CTNNA3: variants seen among roughly 807,000 people sequenced by gnomAD.
CTNNA3 encodes catenin alpha-3.
CTNNA3 carries 76 observed loss-of-function variants against 95.7 expected under a neutral mutation model. The observed-to-expected ratio is 0.79, with a 90% CI of 0.66 to 0.96. The LOEUF is 0.96. Among genes scored for constraint, CTNNA3 ranks in the 40% least tolerant of loss-of-function variants. The pLI is 0.00. For missense variants in CTNNA3, 1,191 were observed against 1,089.8 expected (o/e 1.09, Z -1.31); for synonymous variants, 431 against 374.4 (o/e 1.15, Z -1.74).
chr10:66,763,534 C>T (rs999607010), intron 9 of CTNNA3, among the ~76,000 whole-genome samples: 4 of 152,024 alleles, frequency 2.6e-5, no homozygotes, highest in Non-Finnish European at 5.9e-5. Context: ...TAGATATTAT[C>T]CTGTCTAACT....
At chr10:66,780,670 A>AAG (rs1840497676) in intron 7 of CTNNA3, among the ~76,000 whole-genome samples, 1 of 152,188 alleles carries the variant, frequency 6.6e-6, no homozygotes. Context: ...TTCTCACTAG[A>AAG]TGGTATGATC....
At chr10:66,436,114 A>G (rs1419334205) in intron 11 of CTNNA3, among the ~76,000 whole-genome samples, 1 of 152,124 alleles carries the variant, frequency 6.6e-6, no homozygotes, top group Admixed American at 6.6e-5. Context: ...CAATTTTAGA[A>G]TAAGTATGAT....
chr10:66,414,240 C>A (rs1173024414), intron 11 of CTNNA3, among the ~76,000 whole-genome samples: 2 of 152,092 alleles, frequency 1.3e-5, no homozygotes, highest in Non-Finnish European at 2.9e-5. Context: ...GACTAGGGAG[C>A]ATTTTGTACT....
At chr10:66,116,930 C>T (rs1257543297) in intron 13 of CTNNA3, among the ~76,000 whole-genome samples, 1 of 152,180 alleles carries the variant, frequency 6.6e-6, no homozygotes, top group Non-Finnish European at 1.5e-5. Flanking sequence ...ACACACGATT[C>T]AATCACCACC....
chr10:67,675,401 G>A (rs769880512), intron 1 of CTNNA3, among the ~76,000 whole-genome samples: 38 of 152,220 alleles, frequency 2.5e-4, no homozygotes, highest in Middle Eastern at 3.4e-3. Context: ...GCTTGCCCCA[G>A]GCTATAGTTT....
chr10:66,340,101 G>A (rs888503033), intron 12 of CTNNA3, among the ~76,000 whole-genome samples: 1 of 151,702 alleles, frequency 6.6e-6, no homozygotes, highest in African/African-American at 2.4e-5. Context: ...TGTGGGTCTT[G>A]GTTGACACTT....
intron 5 of CTNNA3, among the ~76,000 whole-genome samples, chr10:67,417,578 A>G (rs1359569676): frequency 6.6e-6 from 1 of 152,190 alleles, no homozygotes; most frequent in Non-Finnish European, 1.5e-5. Context: ...ATTCAATAAA[A>G]CAAAAGAAAG....
chr10:67,555,516 A>G (rs1589420239), intron 3 of CTNNA3, among the ~76,000 whole-genome samples: 1 of 152,250 alleles, frequency 6.6e-6, no homozygotes, highest in African/African-American at 2.4e-5. Context: ...CTTTGAAGCA[A>G]TTGTGAATGA....
At chr10:67,161,684 A>T (rs1163142920) in intron 7 of CTNNA3, among the ~76,000 whole-genome samples, 3 of 152,084 alleles carry the variant, frequency 2.0e-5, no homozygotes, top group Non-Finnish European at 4.4e-5. Flanking sequence ...AATCCTTACC[A>T]CATCAATAAT....
chr10:65,953,578 C>T (rs1437105774), intron 17 of CTNNA3, among the ~76,000 whole-genome samples: 1 of 151,714 alleles, frequency 6.6e-6, no homozygotes, highest in African/African-American at 2.4e-5. Context: ...ATGTTCCCCA[C>T]CCTGTGTCCA....
chr10:67,101,940 G>T (rs1858371355), intron 7 of CTNNA3, among the ~76,000 whole-genome samples: 1 of 133,234 alleles, frequency 7.5e-6, no homozygotes, highest in African/African-American at 3.1e-5. Flanking sequence ...AGATGTTCTG[G>T]GTATGTCAGA....
intron 7 of CTNNA3, among the ~76,000 whole-genome samples, chr10:66,900,899 T>G (rs933288266): frequency 6.6e-6 from 1 of 152,184 alleles, no homozygotes; most frequent in Non-Finnish European, 1.5e-5. Flanking sequence ...AATCTACATC[T>G]GATTGGTGTA....
At chr10:67,653,464 G>A (rs774670476) in intron 1 of CTNNA3, among the ~76,000 whole-genome samples, 21 of 152,088 alleles carry the variant, frequency 1.4e-4, no homozygotes, top group Admixed American at 3.3e-4. Context: ...GGAGTTTGGG[G>A]TTGTTTATGT....
intron 1 of CTNNA3, among the ~76,000 whole-genome samples, chr10:67,708,187 G>A (rs1841088262): frequency 1.3e-5 from 2 of 152,142 alleles, no homozygotes; most frequent in South Asian, 4.1e-4. Context: ...AAGGCACCAT[G>A]CTTCGGTTTT....
intron 7 of CTNNA3, among the ~76,000 whole-genome samples, chr10:66,950,771 C>CA (rs1848498004): frequency 6.6e-6 from 1 of 151,944 alleles, no homozygotes; most frequent in Non-Finnish European, 1.5e-5. Flanking sequence ...CTTACAAAAA[C>CA]AAAAAAGCAT....
chr10:67,281,162 T>C (rs1387353694), intron 5 of CTNNA3, among the ~76,000 whole-genome samples: 1 of 152,110 alleles, frequency 6.6e-6, no homozygotes, highest in African/African-American at 2.4e-5. Context: ...GACAGTCAAA[T>C]ATTTTTCACC....
intron 3 of CTNNA3, among the ~76,000 whole-genome samples, chr10:67,547,652 C>T (rs572982960): frequency 1.3e-5 from 2 of 152,292 alleles, no homozygotes; most frequent in African/African-American, 2.4e-5. Flanking sequence ...TCACACAAAA[C>T]TTGCAAGGAA....
intron 13 of CTNNA3, among the ~76,000 whole-genome samples, chr10:66,119,313 A>T (rs1386121837): frequency 6.6e-6 from 1 of 152,172 alleles, no homozygotes; most frequent in Non-Finnish European, 1.5e-5. Context: ...TTCTATCAAC[A>T]TACAGTATTA....
At chr10:65,944,667 G>A (rs1472691536) in intron 17 of CTNNA3, among the ~76,000 whole-genome samples, 1 of 152,132 alleles carries the variant, frequency 6.6e-6, no homozygotes, top group Non-Finnish European at 1.5e-5. Flanking sequence ...CATATGGAAT[G>A]TTTCAGGTTG....
Sources: allele counts gnomAD v4.1 joint callset (sites outside exome capture counted in the v4.1 genomes callset), GRCh38; gene constraint gnomAD v4.1.1; transcripts MANE v1.5; gene names NCBI Gene and HGNC (gene_info 2026-07-23, HGNC 2026-07-21).